PDE10A: variants seen among roughly 807,000 people sequenced by gnomAD.
PDE10A encodes the protein cAMP and cAMP-inhibited cGMP 3',5'-cyclic phosphodiesterase 10A.
Under a neutral mutation model 97.7 loss-of-function variants are expected in PDE10A, and 39 were observed. That is an observed-to-expected ratio of 0.40 (90% confidence interval 0.31 to 0.52). The LOEUF (loss-of-function observed/expected upper bound fraction) is 0.52. Among genes scored for constraint, PDE10A ranks in the 20% least tolerant of loss-of-function variants. The pLI is 0.56. For synonymous variants in PDE10A, 371 were observed against 376.8 expected, an observed-to-expected ratio of 0.98 and a Z score of 0.18; for missense variants, 731 against 1,047.8, an observed-to-expected ratio of 0.70 and a Z score of 4.17.
chr6:165,587,979 G>A (rs1355954099), intron 1 of PDE10A, among the ~76,000 whole-genome samples: 1 of 152,010 alleles, frequency 6.6e-6, no homozygotes, highest in Non-Finnish European at 1.5e-5. Flanking sequence ...TTTTGTTTTT[G>A]TTACCACTCC....
At chr6:165,744,609 T>G (rs1471651278) in intron 1 of PDE10A, among the ~76,000 whole-genome samples, 1 of 152,188 alleles carries the variant, frequency 6.6e-6, no homozygotes, top group Non-Finnish European at 1.5e-5. Flanking sequence ...TAATTTTTCT[T>G]CTTAAGTTTG....
intron 2 of PDE10A, among the ~76,000 whole-genome samples, chr6:165,498,590 C>G (rs1411129704): frequency 2.0e-5 from 3 of 151,890 alleles, no homozygotes; most frequent in Admixed American, 2.0e-4. Context: ...ATACAAGATT[C>G]CATGAAATTT....
At chr6:165,532,849 C>G (rs907779811) in intron 2 of PDE10A, among the ~76,000 whole-genome samples, 1 of 152,132 alleles carries the variant, frequency 6.6e-6, no homozygotes, top group Non-Finnish European at 1.5e-5. Context: ...TAAATCTACA[C>G]CATCCCATTT....
chr6:165,796,343 C>T (rs1489067898), intron 1 of PDE10A, among the ~76,000 whole-genome samples: 7 of 152,126 alleles, frequency 4.6e-5, no homozygotes, highest in African/African-American at 1.7e-4. Flanking sequence ...GCCTCAGCCT[C>T]CTAAAGTGCT....
At chr6:165,556,724 A>C (rs1784273863) in intron 1 of PDE10A, among the ~76,000 whole-genome samples, 1 of 152,190 alleles carries the variant, frequency 6.6e-6, no homozygotes, top group African/African-American at 2.4e-5. Context: ...ATCGGCTATG[A>C]AAGGGCAAGT....
At chr6:165,700,794 T>G (rs1791552024) in intron 1 of PDE10A, among the ~76,000 whole-genome samples, 5 of 152,218 alleles carry the variant, frequency 3.3e-5, no homozygotes, top group Admixed American at 3.3e-4. Flanking sequence ...GAGAAGAAGT[T>G]GACACTTAAC....
At chr6:165,556,278 G>C (rs1034636898) in intron 1 of PDE10A, among the ~76,000 whole-genome samples, 4 of 152,130 alleles carry the variant, frequency 2.6e-5, no homozygotes, top group Non-Finnish European at 5.9e-5. Flanking sequence ...ACCAGCTTAA[G>C]GCAAATATTC....
At chr6:165,486,552 A>G (rs113608061) in intron 2 of PDE10A, among the ~76,000 whole-genome samples, 6 of 152,340 alleles carry the variant, frequency 3.9e-5, no homozygotes, top group Admixed American at 1.3e-4. Context: ...AATGTGATTA[A>G]AAGTATCAAC....
At chr6:165,730,889 C>T (rs1310840385) in intron 1 of PDE10A, among the ~76,000 whole-genome samples, 1 of 150,940 alleles carries the variant, frequency 6.6e-6, no homozygotes, top group Non-Finnish European at 1.5e-5. Flanking sequence ...ACTAAAAATA[C>T]AAAAAAATTA....
rs1005070564 is a variant in PDE10A, at chr6:165,756,883, T to A, written c.-614-213315A>T. Among the ~76,000 whole-genome samples the A allele has an allele frequency of 1.3e-4, 20 of 152,286 alleles. No individual in the cohort carries two copies. In the East Asian group the frequency reaches 3.9e-3, roughly 29 times the overall value. ...TGAGGGAGAACGAGTATATTTCATATGTTTCAGGATCACTATTATTTCTTT... is the reference window on the plus strand; with the variant it reads ...TGAGGGAGAACGAGTATATTTCATAAGTTTCAGGATCACTATTATTTCTTT... On this transcript the variant is annotated intron_variant, in intron 1 of 19. Coordinates refer to the PDE10A transcript ENST00000366882.
chr6:165,582,013 A>T (rs1249539875), intron 1 of PDE10A, among the ~76,000 whole-genome samples: 1 of 152,250 alleles, frequency 6.6e-6, no homozygotes, highest in Admixed American at 6.5e-5. Flanking sequence ...GAACACTAAC[A>T]ACATGCTATA....
chr6:165,485,255 A>G (rs1478006849), intron 2 of PDE10A, among the ~76,000 whole-genome samples: 1 of 152,008 alleles, frequency 6.6e-6, no homozygotes, highest in Non-Finnish European at 1.5e-5. Context: ...ATGGATCACG[A>G]GGTCAGATCG....
At chr6:165,480,401 A>G (rs1323675125) in intron 3 of PDE10A, among the ~76,000 whole-genome samples, 1 of 152,094 alleles carries the variant, frequency 6.6e-6, no homozygotes, top group Non-Finnish European at 1.5e-5. Flanking sequence ...TAGCTTGGGC[A>G]ACATGGAAAA....
intron 1 of PDE10A, among the ~76,000 whole-genome samples, chr6:165,634,176 G>A (rs934748702): frequency 6.6e-6 from 1 of 152,148 alleles, no homozygotes; most frequent in Non-Finnish European, 1.5e-5. Context: ...CATGTGCTTT[G>A]AGAATCAATG....
intron 1 of PDE10A, among the ~76,000 whole-genome samples, chr6:165,619,605 C>T (rs62424868): frequency 0.55 from 6,364 of 11,530 alleles, 1,332 homozygotes; most frequent in Non-Finnish European, 0.56. Context: ...TAGCGTAGTG[C>T]ACTGTAGTCT....
chr6:165,984,137 T>G (rs1443116169), intron 1 of PDE10A, among the ~76,000 whole-genome samples: 1 of 152,220 alleles, frequency 6.6e-6, no homozygotes, highest in East Asian at 1.9e-4. Flanking sequence ...ACAAAGGATA[T>G]AATAAAATCT....
Position 165,856,876 on chromosome 6 carries a change from A to C in PDE10A, c.-615+130653T>G, listed in dbSNP as rs944016754. On this transcript the variant is annotated intron_variant, in intron 1 of 19. Transcript: ENST00000366882. ...TCCAGCCACTCCAGTGGATTAAAGA[A>C]TTCGACTCTGGGATGTGGTGAATCT... 2.0e-5 allele frequency among the ~76,000 whole-genome samples: 3 copies of C among 152,330 alleles called. No homozygotes were observed. In the South Asian group the frequency reaches 6.2e-4, roughly 32 times the overall value.
chr6:165,347,574 T>A (rs998280544), intron 18 of PDE10A, among the ~76,000 whole-genome samples: 1 of 152,220 alleles, frequency 6.6e-6, no homozygotes, highest in African/African-American at 2.4e-5. Context: ...CAGAGGGAAC[T>A]GCTGTTATTA....
At chr6:165,402,517 T>C (rs563842749) in intron 13 of PDE10A, among the ~76,000 whole-genome samples, 6 of 152,302 alleles carry the variant, frequency 3.9e-5, no homozygotes, top group Admixed American at 1.3e-4. Context: ...GTTGTCTTTT[T>C]AGGTGCATTT....
Sources: allele counts gnomAD v4.1 joint callset (sites outside exome capture counted in the v4.1 genomes callset), GRCh38; gene constraint gnomAD v4.1.1; transcripts MANE v1.5; gene names NCBI Gene and HGNC (gene_info 2026-07-23, HGNC 2026-07-21).